NELL2: variants seen among roughly 807,000 people sequenced by gnomAD.
NELL2 encodes neural EGFL like 2.
Under a neutral mutation model 109.6 loss-of-function variants are expected in NELL2, and 41 were observed. That is an observed-to-expected ratio of 0.37 (90% CI 0.29 to 0.49). The LOEUF (loss-of-function observed/expected upper bound fraction) is 0.49. Ranked by LOEUF, NELL2 falls within the 20% of genes least tolerant of loss-of-function variation. The pLI is 0.98. For missense variants in NELL2, 900 were observed against 1,008.3 expected (o/e 0.89, Z 1.45); for synonymous variants, 355 against 344.7 (o/e 1.03, Z -0.33).
At chr12:44,890,852 T>C (rs1945525600) in intron 1 of NELL2, among the ~76,000 whole-genome samples, 1 of 152,098 alleles carries the variant, frequency 6.6e-6, no homozygotes, top group African/African-American at 2.4e-5. Flanking sequence ...CACCCCAGCC[T>C]CCTGAGTAGC....
chr12:44,684,982 T>A (rs1432019099), intron 12 of NELL2, among the ~76,000 whole-genome samples: 18 of 152,132 alleles, frequency 1.2e-4, no homozygotes, highest in Non-Finnish European at 1.9e-4. Flanking sequence ...TTGTTGACTT[T>A]CTGTCTCGTT....
intron 3 of NELL2, among the ~76,000 whole-genome samples, chr12:44,782,325 T>A: frequency 6.6e-6 from 1 of 150,404 alleles, no homozygotes; most frequent in Non-Finnish European, 1.5e-5. Flanking sequence ...TAACCCATGG[T>A]AAGAAAAAAA....
chr12:44,626,523 A>G (rs190078166), intron 13 of NELL2, among the ~76,000 whole-genome samples: 131 of 152,262 alleles, frequency 8.6e-4, no homozygotes, highest in African/African-American at 2.6e-3. Context: ...TACTATACAA[A>G]ATTATTTGCT....
At position 44,557,754 on chromosome 12, in the gene NELL2, G is replaced by A. The variant is rs114124170; in HGVS notation, c.1664-25033C>T. On this transcript the variant is annotated intron_variant, in intron 15 of 19. Transcript: ENST00000429094. Reference sequence around the variant, plus strand: ...TTGATATATACTGCAAAAATGAAATGAAGCCATGGAAATAAATGAGAGGAT... The same window carrying A: ...TTGATATATACTGCAAAAATGAAATAAAGCCATGGAAATAAATGAGAGGAT... Among the ~76,000 whole-genome samples the A allele has an allele frequency of 4.6e-3, 701 of 152,258 alleles. 6 individuals are homozygous for A. The highest frequency in any genetic ancestry group is 0.016 in the African/African-American group (659 of 41,560).
chr12:44,835,204 C>A (rs1944015813), intron 2 of NELL2, among the ~76,000 whole-genome samples: 1 of 152,202 alleles, frequency 6.6e-6, no homozygotes, highest in Non-Finnish European at 1.5e-5. Context: ...GTCTCTCAGA[C>A]ACGCCCTGCC....
intron 12 of NELL2, among the ~76,000 whole-genome samples, chr12:44,673,320 T>C (rs1948206921): frequency 6.6e-6 from 1 of 152,218 alleles, no homozygotes; most frequent in African/African-American, 2.4e-5. Context: ...TGTATTTTAG[T>C]TCCAAATCCC....
intron 2 of NELL2, among the ~76,000 whole-genome samples, chr12:44,847,573 A>AT (rs1027809848): frequency 2.6e-5 from 4 of 151,270 alleles, no homozygotes; most frequent in African/African-American, 7.3e-5. Flanking sequence ...GGGGGAAAAA[A>AT]AAAAAAAGCC....
At chr12:44,850,099 A>G (rs917952541) in intron 2 of NELL2, among the ~76,000 whole-genome samples, 9 of 152,080 alleles carry the variant, frequency 5.9e-5, no homozygotes, top group Non-Finnish European at 8.8e-5. Flanking sequence ...CAAACTAAGC[A>G]CTCAAGATTT....
At chr12:44,715,423 C>T (rs186961728) in intron 9 of NELL2, among the ~76,000 whole-genome samples, 1 of 151,424 alleles carries the variant, frequency 6.6e-6, no homozygotes, top group Non-Finnish European at 1.5e-5. Flanking sequence ...TTTTCTAAAA[C>T]CTGCAACATA....
chr12:44,615,046 T>C (rs981024199), intron 13 of NELL2, among the ~76,000 whole-genome samples: 1 of 152,028 alleles, frequency 6.6e-6, no homozygotes, highest in African/African-American at 2.4e-5. Flanking sequence ...TCAAAAAGCT[T>C]ACAGTTTAGT....
chr12:44,692,113 G>A (rs1179867126), intron 12 of NELL2, among the ~76,000 whole-genome samples: 1 of 152,140 alleles, frequency 6.6e-6, no homozygotes, highest in African/African-American at 2.4e-5. Flanking sequence ...AGTCAATGCT[G>A]GCTTCATAGT....
At chr12:44,851,034 T>C (rs1454609040) in intron 2 of NELL2, among the ~76,000 whole-genome samples, 1 of 152,194 alleles carries the variant, frequency 6.6e-6, no homozygotes, top group East Asian at 1.9e-4. Context: ...ATCTATATTA[T>C]ATGTACATAC....
intron 15 of NELL2, among the ~76,000 whole-genome samples, chr12:44,566,566 C>G (rs12321895): frequency 1.4e-3 from 199 of 138,518 alleles, no homozygotes; most frequent in African/African-American, 4.7e-3. Flanking sequence ...CACACACACA[C>G]AGAGTTTTAT....
chr12:44,710,497 T>C (rs1440921208), intron 11 of NELL2, among the ~76,000 whole-genome samples: 1 of 152,106 alleles, frequency 6.6e-6, no homozygotes, highest in Non-Finnish European at 1.5e-5. Context: ...AAGCATATAA[T>C]TCCCGTATAA....
chr12:44,818,897 C>T (rs1335108721), intron 2 of NELL2, among the ~76,000 whole-genome samples: 2 of 150,680 alleles, frequency 1.3e-5, no homozygotes, highest in East Asian at 1.9e-4. Flanking sequence ...CGCCCGCCAC[C>T]GCGCCCAGCT....
intron 15 of NELL2, among the ~76,000 whole-genome samples, chr12:44,576,677 C>T (rs1327029770): frequency 3.9e-5 from 6 of 152,024 alleles, no homozygotes; most frequent in African/African-American, 1.4e-4. Context: ...TTAGGTATAT[C>T]TCCCAATGCT....
chr12:44,620,986 T>C (rs946748020), intron 13 of NELL2, among the ~76,000 whole-genome samples: 2 of 152,192 alleles, frequency 1.3e-5, no homozygotes, highest in Non-Finnish European at 2.9e-5. Context: ...TGGCACACCA[T>C]TGTTTTCACT....
chr12:44,546,010 A>G (rs1673456128), intron 15 of NELL2, among the ~76,000 whole-genome samples: 2 of 152,116 alleles, frequency 1.3e-5, no homozygotes, highest in South Asian at 4.1e-4. Context: ...GTTTACTGTG[A>G]GCTTTCTAAT....
chr12:44,800,936 C>G (rs994428317), intron 3 of NELL2, among the ~76,000 whole-genome samples: 4 of 152,136 alleles, frequency 2.6e-5, no homozygotes, highest in African/African-American at 7.2e-5. Flanking sequence ...CATGGGTCAT[C>G]ATGCCTCCCC....
Sources: allele counts gnomAD v4.1 joint callset (sites outside exome capture counted in the v4.1 genomes callset), GRCh38; gene constraint gnomAD v4.1.1; transcripts MANE v1.5; gene names NCBI Gene and HGNC (gene_info 2026-07-23, HGNC 2026-07-21).